Variants in PDE3B observed in about 807,000 individuals in gnomAD.
The protein encoded by PDE3B is cGMP-inhibited 3',5'-cyclic phosphodiesterase 3B.
Under a neutral mutation model 116.8 loss-of-function variants are expected in PDE3B, and 66 were observed. The ratio of observed to expected loss-of-function variants is 0.56; its 90% CI spans 0.46 to 0.69. The LOEUF is 0.69. Among genes scored for constraint, PDE3B ranks in the 30% least tolerant of loss-of-function variants. PDE3B has a pLI of 0.00. For missense variants in PDE3B, 1,384 were observed against 1,368.1 expected (o/e 1.01, Z -0.18); for synonymous variants, 595 against 533.6 (o/e 1.12, Z -1.59).
At chr11:14,646,515 T>C (rs1853412543) in intron 1 of PDE3B, among the ~76,000 whole-genome samples, 2 of 152,218 alleles carry the variant, frequency 1.3e-5, no homozygotes, top group African/African-American at 4.8e-5. Flanking sequence ...GAGGATTTAT[T>C]ATGGAACAAA....
At chr11:14,677,627 A>G (rs529075629) in intron 1 of PDE3B, among the ~76,000 whole-genome samples, 1 of 152,324 alleles carries the variant, frequency 6.6e-6, no homozygotes, top group East Asian at 1.9e-4. Flanking sequence ...ATCCACTACA[A>G]CATTCAGGAC....
In PDE3B at chr11:14,869,747, C is replaced by A; in HGVS notation, c.*87C>A. ...GAAATCATTGCCTAGTGTTCACCGG[C>A]TGACTCTCAACTGACCATTCCCATG... On this transcript the variant is annotated 3_prime_UTR_variant, in exon 16 of 16. Coordinates refer to ENST00000282096, the MANE Select transcript of PDE3B (RefSeq NM_000922.4). 1 of 1,090,920 alleles carries A rather than the reference C, an allele frequency of 9.2e-7. No homozygotes were observed. Among genetic ancestry groups the A allele is most frequent in the Non-Finnish European group, 1.3e-6 (1 of 742,356 alleles). 67.6% of individuals were successfully genotyped at this position (1,090,920 alleles called of 1,614,324 possible).
At chr11:14,865,676 T>C (rs534832790) in intron 14 of PDE3B, among the ~76,000 whole-genome samples, 1 of 152,308 alleles carries the variant, frequency 6.6e-6, no homozygotes, top group East Asian at 1.9e-4. Context: ...AGTAAATGGC[T>C]ATATTTACCT....
At chr11:14,693,413 A>G (rs1414022603) in intron 1 of PDE3B, among the ~76,000 whole-genome samples, 4 of 152,214 alleles carry the variant, frequency 2.6e-5, no homozygotes, top group Non-Finnish European at 5.9e-5. Context: ...GAAGAGGTCA[A>G]TGCCTGGTTT....
chr11:14,703,640 C>A (rs1050577151), intron 1 of PDE3B, among the ~76,000 whole-genome samples: 3 of 151,486 alleles, frequency 2.0e-5, no homozygotes, highest in African/African-American at 4.8e-5. Context: ...GTTTTGATGT[C>A]CAGGTAACAC....
intron 12 of PDE3B, among the ~76,000 whole-genome samples, chr11:14,845,236 A>G (rs932291079): frequency 2.0e-5 from 3 of 152,042 alleles, no homozygotes; most frequent in Non-Finnish European, 4.4e-5. Flanking sequence ...CAGGGTCTGG[A>G]GTGCACCTCT....
At position 14,869,332 on chromosome 11, in the gene PDE3B, A is replaced by G. The variant is rs572033844; in HGVS notation, c.3140-129A>G. The G allele has an allele frequency of 3.8e-4, 173 of 452,766 alleles. 1 individual carries two copies. Among genetic ancestry groups the G allele is most frequent in the African/African-American group, 3.2e-3 (158 of 49,072 alleles). The allele number at this position is 452,766 out of a possible 1,614,324, so 28.0% of individuals were successfully genotyped here. ...TATTTCATTATATTATTTTTATTAT[A>G]CTATTATTTTATAGTACTGTTTACT... On this transcript the variant is annotated intron_variant, in intron 15 of 15. Transcript: ENST00000282096.
chr11:14,891,983 C>T, the PDE3B span: 1 of 1,613,148 alleles, frequency 6.2e-7, no homozygotes, highest in Non-Finnish European at 8.5e-7. Context: ...GGCTGTACCT[C>T]TCCGTACACC....
chr11:14,764,199 A>G (rs969521406), intron 1 of PDE3B, among the ~76,000 whole-genome samples: 1 of 152,156 alleles, frequency 6.6e-6, no homozygotes, highest in Admixed American at 6.6e-5. Context: ...GGAGGAACAC[A>G]GCTGTTGCCA....
intron 1 of PDE3B, among the ~76,000 whole-genome samples, chr11:14,656,164 A>G (rs982731094): frequency 1.3e-5 from 2 of 152,144 alleles, no homozygotes; most frequent in African/African-American, 4.8e-5. Flanking sequence ...TAGTGACTGA[A>G]AGTTTACTGG....
At chr11:14,734,018 G>A (rs536997468) in intron 1 of PDE3B, among the ~76,000 whole-genome samples, 4 of 152,306 alleles carry the variant, frequency 2.6e-5, no homozygotes, top group African/African-American at 4.8e-5. Flanking sequence ...AAGTGTAGTC[G>A]TGAGTCAAAC....
At chr11:14,704,238 A>G (rs985789430) in intron 1 of PDE3B, among the ~76,000 whole-genome samples, 12 of 151,790 alleles carry the variant, frequency 7.9e-5, no homozygotes, top group Non-Finnish European at 3.0e-5. Context: ...TGTCTGAATC[A>G]TGACTACATA....
chr11:14,651,641 TG>T (rs1374598137), intron 1 of PDE3B, among the ~76,000 whole-genome samples: 8 of 152,346 alleles, frequency 5.3e-5, no homozygotes, highest in Non-Finnish European at 4.4e-5. Flanking sequence ...GGCATTTCTT[TG>T]TGATTGTAAT....
intron 4 of PDE3B, among the ~76,000 whole-genome samples, chr11:14,800,555 G>C (rs995278076): frequency 6.6e-6 from 1 of 152,216 alleles, no homozygotes; most frequent in African/African-American, 2.4e-5. Context: ...CCCTTTGTGA[G>C]TAACCTGAGC....
At chr11:14,709,868 T>G (rs1274518505) in intron 1 of PDE3B, among the ~76,000 whole-genome samples, 2 of 152,248 alleles carry the variant, frequency 1.3e-5, no homozygotes, top group Non-Finnish European at 2.9e-5. Flanking sequence ...TGCTTAACTT[T>G]GGTGTCCTTG....
intron 1 of PDE3B, among the ~76,000 whole-genome samples, chr11:14,711,673 A>G (rs1167008198): frequency 6.6e-6 from 1 of 152,112 alleles, no homozygotes; most frequent in Non-Finnish European, 1.5e-5. Context: ...ACCCGCCCCC[A>G]TGACCTAAAC....
chr11:14,665,902 T>G (rs1189833240), intron 1 of PDE3B, among the ~76,000 whole-genome samples: 2 of 152,124 alleles, frequency 1.3e-5, no homozygotes, highest in Non-Finnish European at 2.9e-5. Flanking sequence ...AAGCTACCAA[T>G]GACTTTCTTC....
intron 9 of PDE3B, among the ~76,000 whole-genome samples, chr11:14,832,213 C>T (rs953345232): frequency 5.3e-5 from 8 of 152,078 alleles, no homozygotes; most frequent in African/African-American, 1.9e-4. Flanking sequence ...CAGGGTTATA[C>T]CTGATGGGTC....
the PDE3B span, chr11:14,887,012 G>C: frequency 1.3e-5 from 2 of 152,268 alleles, no homozygotes; most frequent in African/African-American, 4.8e-5. Context: ...AACATGGACT[G>C]CCTGCCATAA....
Sources: allele counts gnomAD v4.1 joint callset (sites outside exome capture counted in the v4.1 genomes callset), GRCh38; gene constraint gnomAD v4.1.1; transcripts MANE v1.5; gene names NCBI Gene and HGNC (gene_info 2026-07-23, HGNC 2026-07-21).